DGKB: variants seen among roughly 807,000 people sequenced by gnomAD.
DGKB encodes the protein diacylglycerol kinase beta.
Under a neutral mutation model 114.3 loss-of-function variants are expected in DGKB, and 67 were observed. That is an observed-to-expected ratio of 0.59 (90% CI 0.48 to 0.72). The LOEUF (loss-of-function observed/expected upper bound fraction) is 0.72, where lower values mean the gene tolerates loss of function less well. Among genes scored for constraint, DGKB ranks in the 30% least tolerant of loss-of-function variants. The pLI, the probability that DGKB is intolerant of heterozygous loss-of-function variation, is 0.00. For synonymous variants in DGKB, 398 were observed against 323.1 expected, an observed-to-expected ratio of 1.23 and a Z score of -2.49; for missense variants, 907 against 975.2, an observed-to-expected ratio of 0.93 and a Z score of 0.93.
intron 23 of DGKB, among the ~76,000 whole-genome samples, chr7:14,207,002 GT>G (rs1786934698): frequency 6.6e-6 from 1 of 151,836 alleles, no homozygotes; most frequent in Non-Finnish European, 1.5e-5. Flanking sequence ...ATTTATAAAT[GT>G]TGGCAATAAC....
At chr7:14,630,383 C>G in intron 13 of DGKB, 115 bp from the exon 14 acceptor site, 1 of 643,794 alleles carries the variant, frequency 1.6e-6, no homozygotes, top group Non-Finnish European at 2.5e-6. Context: ...ATTAAAAATA[C>G]ATTTCCTTGG....
chr7:14,250,132 AT>A (rs57215648), intron 23 of DGKB, among the ~76,000 whole-genome samples: 63,372 of 134,906 alleles, frequency 0.47, 14,867 homozygotes, highest in East Asian at 0.54. Context: ...ATATATATAT[AT>A]TTTTTTTTTT....
At chr7:14,191,874 G>T in intron 23 of DGKB, 1 of 517,436 alleles carries the variant, frequency 1.9e-6, no homozygotes. Context: ...CACATTGCTT[G>T]CCAGTTTGCT....
At chr7:14,710,500 T>C (rs1400745532) in intron 6 of DGKB, among the ~76,000 whole-genome samples, 4 of 152,146 alleles carry the variant, frequency 2.6e-5, no homozygotes, top group African/African-American at 9.7e-5. Context: ...TCTTGCCTTA[T>C]TGCCATGAGC....
intron 21 of DGKB, among the ~76,000 whole-genome samples, chr7:14,346,249 A>T (rs1464977919): frequency 6.6e-6 from 1 of 151,872 alleles, no homozygotes; most frequent in Non-Finnish European, 1.5e-5. Context: ...AATTAAAAAG[A>T]CATTTGGCAA....
intron 23 of DGKB, among the ~76,000 whole-genome samples, chr7:14,310,516 G>C (rs1230226655): frequency 2.0e-5 from 3 of 152,124 alleles, no homozygotes; most frequent in Admixed American, 6.6e-5. Context: ...CAGCTACCAA[G>C]GATTTTGATT....
chr7:14,847,412 G>A (rs190058709), intron 1 of DGKB, among the ~76,000 whole-genome samples: 190 of 152,120 alleles, frequency 1.2e-3, no homozygotes, highest in African/African-American at 4.3e-3. Flanking sequence ...AGGATGCAGA[G>A]CCAAAATAAA....
chr7:14,463,354 A>G (rs991219160), intron 21 of DGKB, among the ~76,000 whole-genome samples: 7 of 152,114 alleles, frequency 4.6e-5, no homozygotes, highest in Non-Finnish European at 8.8e-5. Flanking sequence ...TAACAAAACT[A>G]CATGTTCTGC....
chr7:14,354,413 C>T (rs1426012185), intron 21 of DGKB, among the ~76,000 whole-genome samples: 1 of 152,110 alleles, frequency 6.6e-6, no homozygotes, highest in Non-Finnish European at 1.5e-5. Flanking sequence ...GTTAGCATAA[C>T]CCTCTTTCTG....
chr7:14,372,007 C>T (rs970840571), intron 21 of DGKB, among the ~76,000 whole-genome samples: 3 of 152,158 alleles, frequency 2.0e-5, no homozygotes, highest in Non-Finnish European at 2.9e-5. Context: ...AAAATGGCCT[C>T]CTGCTCTTGG....
intron 23 of DGKB, among the ~76,000 whole-genome samples, chr7:14,330,992 C>A (rs1275435209): frequency 6.6e-6 from 1 of 151,620 alleles, no homozygotes; most frequent in Non-Finnish European, 1.5e-5. Flanking sequence ...AAAATTATAA[C>A]TTAAAAAAAA....
intron 17 of DGKB, among the ~76,000 whole-genome samples, chr7:14,589,897 CCTCA>C (rs1373570309): frequency 6.6e-6 from 1 of 151,708 alleles, no homozygotes; most frequent in Admixed American, 6.6e-5. Context: ...AATTATACCG[CCTCA>C]TAAAATATGT....
chr7:14,918,615 CTAAA>C (rs1266955595), intron 1 of DGKB, among the ~76,000 whole-genome samples: 1 of 151,818 alleles, frequency 6.6e-6, no homozygotes, highest in Non-Finnish European at 1.5e-5. Flanking sequence ...CAAAGGAGAG[CTAAA>C]TAAATAGAAA....
intron 2 of DGKB, among the ~76,000 whole-genome samples, chr7:14,767,471 A>C (rs1374155029): frequency 6.6e-6 from 1 of 151,958 alleles, no homozygotes; most frequent in Non-Finnish European, 1.5e-5. Context: ...ATATTCATTG[A>C]CAGTGAGCCC....
intron 23 of DGKB, among the ~76,000 whole-genome samples, chr7:14,249,636 A>G (rs1465188305): frequency 6.6e-6 from 1 of 152,138 alleles, no homozygotes; most frequent in Non-Finnish European, 1.5e-5. Context: ...ATAATTGTTC[A>G]TTATAGCCTC....
At chr7:14,884,213 A>C (rs1039567669) in intron 1 of DGKB, among the ~76,000 whole-genome samples, 2 of 152,024 alleles carry the variant, frequency 1.3e-5, no homozygotes. Flanking sequence ...CTTTATTTAC[A>C]AATACAATCA....
At chr7:14,898,915 A>T (rs1357819500) in intron 1 of DGKB, among the ~76,000 whole-genome samples, 2 of 152,166 alleles carry the variant, frequency 1.3e-5, no homozygotes, top group African/African-American at 2.4e-5. Flanking sequence ...CAAGTTTACA[A>T]TGCAATACAA....
chr7:14,508,747 T>C (rs924025199), intron 20 of DGKB, among the ~76,000 whole-genome samples: 1 of 152,178 alleles, frequency 6.6e-6, no homozygotes, highest in Non-Finnish European at 1.5e-5. Flanking sequence ...TAATTTGTGG[T>C]ATAGATGACC....
chr7:14,823,608 A>T (rs1224242750), intron 2 of DGKB, among the ~76,000 whole-genome samples: 1 of 152,136 alleles, frequency 6.6e-6, no homozygotes, highest in Non-Finnish European at 1.5e-5. Context: ...ATTATTTTTG[A>T]CACTGGGAAA....
Sources: allele counts gnomAD v4.1 joint callset (sites outside exome capture counted in the v4.1 genomes callset), GRCh38; gene constraint gnomAD v4.1.1; transcripts MANE v1.5; gene names NCBI Gene and HGNC (gene_info 2026-07-23, HGNC 2026-07-21).